Variants in CYTH1 observed in about 807,000 individuals in gnomAD.
CYTH1 encodes the protein cytohesin 1.
CYTH1 carries 18 observed loss-of-function variants against 61.8 expected under a neutral mutation model. The observed-to-expected ratio is 0.29, with a 90% confidence interval of 0.20 to 0.43. CYTH1 has a LOEUF of 0.43. Among genes scored for constraint, CYTH1 ranks in the 20% least tolerant of loss-of-function variants. The pLI is 1.00. For synonymous variants in CYTH1, 174 were observed against 184.3 expected (o/e 0.94, Z 0.45); for missense variants, 336 against 510.5 (o/e 0.66, Z 3.29).
chr17:78,752,831 TAC>T (rs1005595292), intron 1 of CYTH1, among the ~76,000 whole-genome samples: 2 of 152,196 alleles, frequency 1.3e-5, no homozygotes, highest in African/African-American at 4.8e-5. Flanking sequence ...ACAGATTAAA[TAC>T]GATACTGAAA....
rs1386586695 is a variant in CYTH1 at position 78,698,365 on chromosome 17, T to C, written c.715A>G (p.Ile239Val). The C allele has an allele frequency of 6.2e-7, 1 of 1,612,340 alleles. No homozygotes were observed. The highest frequency in any genetic ancestry group is 1.3e-5 in the African/African-American group (1 of 74,826). Residue 239 changes from isoleucine to valine, a missense_variant, in exon 9 of 14, where the codon ATA becomes GTA. By Grantham distance (29) the Ile-to-Val change is conservative. Coordinates refer to ENST00000446868, the MANE Select transcript of CYTH1 (RefSeq NM_004762.6). ...GGGATTTTAAAGGGTTCATTTTTTATGCTCTCATAGAGATTCTGGGATAAA... is the reference window on the plus strand; with the variant it reads ...GGGATTTTAAAGGGTTCATTTTTTACGCTCTCATAGAGATTCTGGGATAAA... Reference protein sequence around the residue: ...EELLRNLYESIKNEPFKIPED... With the variant: ...EELLRNLYESVKNEPFKIPED...
intron 10 of CYTH1, 41 bp from the exon 11 acceptor site, chr17:78,692,534 C>T: frequency 6.3e-7 from 1 of 1,589,456 alleles, no homozygotes; most frequent in Middle Eastern, 1.7e-4. Flanking sequence ...AAGAGACAAC[C>T]AGACAAGTGC....
chr17:78,775,596 A>G (rs555770775), intron 1 of CYTH1, among the ~76,000 whole-genome samples: 36 of 152,310 alleles, frequency 2.4e-4, no homozygotes, highest in African/African-American at 7.9e-4. Flanking sequence ...TTCCTGCTTT[A>G]GATAATCAAT....
At chr17:78,767,065 C>T (rs887180362) in intron 1 of CYTH1, among the ~76,000 whole-genome samples, 17 of 152,200 alleles carry the variant, frequency 1.1e-4, no homozygotes, top group Non-Finnish European at 2.2e-4. Flanking sequence ...ACTTCATGTG[C>T]AGCAAGCAGT....
At chr17:78,710,288 A>C (rs952291508) in intron 1 of CYTH1, among the ~76,000 whole-genome samples, 1 of 152,236 alleles carries the variant, frequency 6.6e-6, no homozygotes, top group Non-Finnish European at 1.5e-5. Flanking sequence ...ACCTAAAATC[A>C]GTGCTTAACT....
chr17:78,730,042 A>C (rs1306457205), intron 1 of CYTH1, among the ~76,000 whole-genome samples: 1 of 152,162 alleles, frequency 6.6e-6, no homozygotes, highest in Non-Finnish European at 1.5e-5. Context: ...GACTGGCCCA[A>C]TATTTCTATT....
rs1248626082 is a variant in CYTH1 at position 78,698,974 on chromosome 17, G to A, written c.551-6C>T. 1.2e-6 allele frequency: 2 copies of A among 1,609,530 alleles called. No individual in the cohort carries two copies. Among genetic ancestry groups the A allele is most frequent in the Admixed American group, 1.7e-5 (1 of 59,052 alleles). ...GGAGAGGACGTAACAAGTATCTAAA[G>A]ATGAGAGAAAAGCAAAGGGGAGCCG... On this transcript the variant is annotated splice_region_variant and splice_polypyrimidine_tract_variant and intron_variant, in intron 7 of 13. Coordinates refer to ENST00000446868, the MANE Select transcript of CYTH1 (RefSeq NM_004762.6).
At chr17:78,702,855 C>T (rs530273566) in intron 3 of CYTH1, among the ~76,000 whole-genome samples, 1 of 152,158 alleles carries the variant, frequency 6.6e-6, no homozygotes, top group Middle Eastern at 3.4e-3. Context: ...CAGGGTCTCT[C>T]TCTGTCTGAA....
chr17:78,773,926 T>A (rs973048793), intron 1 of CYTH1, among the ~76,000 whole-genome samples: 1 of 152,164 alleles, frequency 6.6e-6, no homozygotes, highest in Non-Finnish European at 1.5e-5. Flanking sequence ...AAATAAACCA[T>A]CATTTCTTAT....
chr17:78,748,187 G>A (rs1344953133), intron 1 of CYTH1, among the ~76,000 whole-genome samples: 1 of 152,102 alleles, frequency 6.6e-6, no homozygotes, highest in Non-Finnish European at 1.5e-5. Flanking sequence ...CACATTTGTG[G>A]TAAGTTTCAC....
chr17:78,758,368 T>C (rs923282180), intron 1 of CYTH1, among the ~76,000 whole-genome samples: 1 of 152,022 alleles, frequency 6.6e-6, no homozygotes, highest in African/African-American at 2.4e-5. Flanking sequence ...CATGCCCCCA[T>C]TGAGGAGAAG....
Position 78,675,416 on chromosome 17 carries a change from C to G in CYTH1, c.*675G>C, listed in dbSNP as rs972292143. ...TCTGACTGTGCCGTCTGAGGCTCCACTGGGCCTCTGCCCTCTGCGTCCTCG... is the reference window on the plus strand; with the variant it reads ...TCTGACTGTGCCGTCTGAGGCTCCAGTGGGCCTCTGCCCTCTGCGTCCTCG... On this transcript the variant is annotated 3_prime_UTR_variant, in exon 14 of 14. Coordinates refer to ENST00000446868, the MANE Select transcript of CYTH1 (RefSeq NM_004762.6). The G allele has an allele frequency of 6.6e-6, 1 of 152,568 alleles. No homozygotes were observed. The highest frequency in any genetic ancestry group is 2.4e-5 in the African/African-American group (1 of 41,476). The allele number at this position is 152,568 out of a possible 1,614,324, so 9.5% of individuals were successfully genotyped here.
intron 1 of CYTH1, chr17:78,736,756 T>G (rs948610461): frequency 5.1e-6 from 2 of 394,414 alleles, no homozygotes; most frequent in Non-Finnish European, 1.1e-5. Context: ...AAGTCCGTTC[T>G]GTGCTTCCAG....
intron 1 of CYTH1, among the ~76,000 whole-genome samples, chr17:78,760,515 A>G (rs1348177385): frequency 8.1e-5 from 4 of 49,600 alleles, no homozygotes; most frequent in African/African-American, 3.5e-4. Flanking sequence ...ATGTATATAT[A>G]TGTATATATA....
chr17:78,750,737 G>C (rs1351358533), intron 1 of CYTH1, among the ~76,000 whole-genome samples: 1 of 150,080 alleles, frequency 6.7e-6, no homozygotes, highest in Non-Finnish European at 1.5e-5. Context: ...GGGAGGTGGA[G>C]GTTGCAGTGA....
chr17:78,690,434 AATGT>A (rs1205495891), intron 11 of CYTH1, among the ~76,000 whole-genome samples: 1 of 141,052 alleles, frequency 7.1e-6, no homozygotes, highest in Non-Finnish European at 1.5e-5. Flanking sequence ...AAAAAAAAGA[AATGT>A]ATTTACTGCT....
intron 8 of CYTH1, 100 bp from the exon 9 acceptor site, chr17:78,698,480 T>C: frequency 1.0e-6 from 1 of 969,118 alleles, no homozygotes. Flanking sequence ...GTGCCTATAG[T>C]AAGCCAAGCC....
Position 78,675,900 on chromosome 17 carries a change from C to T in CYTH1, c.*191G>A. 1.3e-6 allele frequency: 2 copies of T among 1,510,632 alleles called. No homozygotes were observed. Among genetic ancestry groups the T allele is most frequent in the Non-Finnish European group, 8.9e-7 (1 of 1,128,470 alleles). 93.6% of individuals were successfully genotyped at this position (1,510,632 alleles called of 1,614,324 possible). On this transcript the variant is annotated 3_prime_UTR_variant, in exon 14 of 14. Transcript: ENST00000446868. ...GCCCATGCTGGACAGGTGGCCGGTC[C>T]TCTCTTCCCCAGTGATAACTGCCCA...
chr17:78,680,124 T>C (rs1598810130), intron 13 of CYTH1, 66 bp downstream of exon 13: 4 of 1,585,082 alleles, frequency 2.5e-6, no homozygotes, highest in East Asian at 2.3e-5. Flanking sequence ...ACCACTAAGA[T>C]GATCAACACC....
Sources: gnomAD v4.1 joint callset for allele counts (sites outside exome capture counted in the v4.1 genomes callset) on GRCh38, gnomAD v4.1.1 for gene constraint, MANE v1.5 for transcripts, NCBI Gene and HGNC (gene_info 2026-07-23, HGNC 2026-07-21) for gene names.